Variants in AGGF1 observed in about 807,000 individuals in gnomAD.
The protein encoded by AGGF1 is angiogenic factor with G-patch and FHA domains 1.
AGGF1 carries 56 observed loss-of-function variants against 86.5 expected under a neutral mutation model. The ratio of observed to expected loss-of-function variants is 0.65; its 90% confidence interval spans 0.52 to 0.81. The LOEUF (loss-of-function observed/expected upper bound fraction) is 0.81. AGGF1 is among the 30% of genes least tolerant of loss of function. The pLI is 0.00. For missense variants in AGGF1, 816 were observed against 850.9 expected, an observed-to-expected ratio of 0.96 and a Z score of 0.51; for synonymous variants, 313 against 297.1, an observed-to-expected ratio of 1.05 and a Z score of -0.55.
At chr5:77,041,669 A>T (rs533662131) in intron 5 of AGGF1, among the ~76,000 whole-genome samples, 80 of 151,804 alleles carry the variant, frequency 5.3e-4, no homozygotes, top group African/African-American at 1.7e-3. Flanking sequence ...TTGCCTGAAA[A>T]ACTAGAGAAT....
At chr5:77,052,632 A>G in intron 8 of AGGF1, 74 bp from the exon 9 acceptor site, 3 of 1,042,166 alleles carry the variant, frequency 2.9e-6, no homozygotes, top group Non-Finnish European at 4.3e-6. Context: ...AGTTAACATC[A>G]TCATATCATA....
chr5:77,048,093 T>C, intron 6 of AGGF1, 68 bp from the exon 7 acceptor site: 2 of 995,524 alleles, frequency 2.0e-6, no homozygotes, highest in Admixed American at 1.7e-5. Flanking sequence ...GGATGCCTCC[T>C]AGTTATCCCT....
rs564246131 is a variant in AGGF1 at position 77,064,823 on chromosome 5, A to G, written c.*1571A>G. On this transcript the variant is annotated 3_prime_UTR_variant, in exon 14 of 14. Transcript: ENST00000312916. ...TCCAAATAGGTTTTGCTTCTGGTGA[A>G]TCTTGGTCATTGGGTTAGTATATGA... The G allele has an allele frequency of 2.0e-5, 3 of 152,310 alleles. No individual in the cohort carries two copies. The highest frequency in any genetic ancestry group is 2.1e-4 in the South Asian group (1 of 4,824). 9.4% of individuals were successfully genotyped at this position (152,310 alleles called of 1,614,324 possible).
intron 5 of AGGF1, among the ~76,000 whole-genome samples, chr5:77,043,587 A>AT (rs1386860912): frequency 9.4e-4 from 17 of 18,054 alleles, no homozygotes; most frequent in South Asian, 3.2e-3. Context: ...CGGGGGGCTG[A>AT]CCCCCCCCCC....
chr5:77,036,813 C>A, intron 4 of AGGF1, 93 bp downstream of exon 4: 1 of 1,387,920 alleles, frequency 7.2e-7, no homozygotes, highest in Non-Finnish European at 1.0e-6. Flanking sequence ...TCTCAGCTCA[C>A]TGCAACTTTC....
chr5:77,060,401 A>G (rs570998620), intron 12 of AGGF1, among the ~76,000 whole-genome samples: 4 of 152,294 alleles, frequency 2.6e-5, no homozygotes, highest in African/African-American at 9.6e-5. Flanking sequence ...AATTCTTTTA[A>G]TACTCAAATA....
chr5:77,045,587 TATC>T (rs1395036609), intron 5 of AGGF1, among the ~76,000 whole-genome samples: 9 of 152,340 alleles, frequency 5.9e-5, no homozygotes, highest in African/African-American at 2.2e-4. Flanking sequence ...TTTTATGTAT[TATC>T]AAGCTGAATC....
chr5:77,061,018 T>G (rs1473295347), intron 12 of AGGF1, among the ~76,000 whole-genome samples: 2 of 152,186 alleles, frequency 1.3e-5, no homozygotes, highest in African/African-American at 4.8e-5. Context: ...GAGTATAGAA[T>G]CATAGGACAA....
At chr5:77,038,463 AT>A (rs546740826) in intron 4 of AGGF1, among the ~76,000 whole-genome samples, 8 of 151,990 alleles carry the variant, frequency 5.3e-5, no homozygotes, top group Non-Finnish European at 7.4e-5. Context: ...ATTTTAATAA[AT>A]TTTTTTTATA....
At chr5:77,044,597 T>C (rs529558366) in intron 5 of AGGF1, among the ~76,000 whole-genome samples, 1 of 152,318 alleles carries the variant, frequency 6.6e-6, no homozygotes, top group Non-Finnish European at 1.5e-5. Flanking sequence ...CATATGTTGT[T>C]CAGTAAGTAA....
chr5:77,031,509 C>T (rs912182841), intron 1 of AGGF1, among the ~76,000 whole-genome samples: 6 of 152,156 alleles, frequency 3.9e-5, no homozygotes, highest in Admixed American at 6.5e-5. Context: ...TAAGTAGGGA[C>T]GATATATAAC....
chr5:77,031,366 A>G (rs1221251472), intron 1 of AGGF1, among the ~76,000 whole-genome samples: 1 of 152,220 alleles, frequency 6.6e-6, no homozygotes, highest in Non-Finnish European at 1.5e-5. Flanking sequence ...ACCGAGTCTC[A>G]GTTCCCCATT....
intron 8 of AGGF1, among the ~76,000 whole-genome samples, chr5:77,049,548 C>CTTTTTTTTTTTTTTTTTTTTTTTTTTGT (rs759329284): frequency 7.7e-6 from 1 of 130,642 alleles, no homozygotes; most frequent in African/African-American, 2.8e-5. Flanking sequence ...TATATTTTTA[C>CTTTTTTTTTTTTTTTTTTTTTTTTTTGT]TTTTTTTTTT....
intron 5 of AGGF1, among the ~76,000 whole-genome samples, chr5:77,044,185 G>A (rs1336040136): frequency 1.3e-5 from 2 of 149,762 alleles, no homozygotes; most frequent in Admixed American, 6.7e-5. Flanking sequence ...GGTGGCGGCC[G>A]GGCAGAGGCT....
intron 11 of AGGF1, among the ~76,000 whole-genome samples, chr5:77,056,018 G>A (rs1321404393): frequency 6.6e-6 from 1 of 152,050 alleles, no homozygotes; most frequent in Non-Finnish European, 1.5e-5. Context: ...ACAAAATGAT[G>A]CCATTGATTG....
At chr5:77,036,862 C>A in intron 4 of AGGF1, 142 bp downstream of exon 4, 2 of 917,676 alleles carry the variant, frequency 2.2e-6, no homozygotes, top group Non-Finnish European at 3.4e-6. Context: ...CTCAGCATCC[C>A]AAGTAGCTGG....
chr5:77,042,552 C>G (rs1415524286), intron 5 of AGGF1, among the ~76,000 whole-genome samples: 2 of 81,446 alleles, frequency 2.5e-5, no homozygotes, highest in Non-Finnish European at 5.9e-5. Flanking sequence ...CCCCTCACCT[C>G]CCGGACGGGG....
At chr5:77,055,486 T>C (rs1747442226) in intron 10 of AGGF1, 28 bp from the exon 11 acceptor site, 2 of 1,502,526 alleles carry the variant, frequency 1.3e-6, no homozygotes, top group South Asian at 1.1e-5. Flanking sequence ...TTAGTGGCTT[T>C]TTTTTAACCA....
chr5:77,063,023 T>TA (rs1315287479), intron 13 of AGGF1, 29 bp from the exon 14 acceptor site: 3 of 1,612,662 alleles, frequency 1.9e-6, no homozygotes, highest in Non-Finnish European at 2.5e-6. Context: ...GACTCTAAAA[T>TA]AAGTCCTCTG....
Sources: gnomAD v4.1 joint callset for allele counts (sites outside exome capture counted in the v4.1 genomes callset) on GRCh38, gnomAD v4.1.1 for gene constraint, MANE v1.5 for transcripts, NCBI Gene and HGNC (gene_info 2026-07-23, HGNC 2026-07-21) for gene names.